Variants in ITGA2 observed in about 807,000 individuals in gnomAD.
ITGA2 encodes integrin alpha-2.
A neutral mutation model predicts 146.3 loss-of-function variants in ITGA2; 101 were observed. The ratio of observed to expected loss-of-function variants is 0.69; its 90% CI spans 0.59 to 0.81. ITGA2 has a LOEUF of 0.81. Among genes scored for constraint, ITGA2 ranks in the 40% least tolerant of loss-of-function variants. The pLI, the probability that ITGA2 is intolerant of heterozygous loss-of-function variation, is 0.00. For missense variants in ITGA2, 1,281 were observed against 1,402.7 expected, an observed-to-expected ratio of 0.91 and a Z score of 1.39; for synonymous variants, 477 against 487.1, an observed-to-expected ratio of 0.98 and a Z score of 0.27.
At chr5:52,990,388 GC>G in intron 1 of ITGA2, 1 of 152,414 alleles carries the variant, frequency 6.6e-6, no homozygotes, top group East Asian at 1.9e-4. Flanking sequence ...GGGGTGGAGA[GC>G]TTTTGTGGGA....
chr5:53,021,738 T>C (rs1414763878), intron 1 of ITGA2, among the ~76,000 whole-genome samples: 1 of 152,218 alleles, frequency 6.6e-6, no homozygotes, highest in Non-Finnish European at 1.5e-5. Context: ...ACAGTTCTTA[T>C]GTTTTTGTTC....
rs931536643 is a variant in ITGA2, at chr5:53,090,887, A to G, written c.*288A>G. 5.1e-6 allele frequency: 3 copies of G among 587,188 alleles called. No homozygotes were observed. Among genetic ancestry groups the G allele is most frequent in the Admixed American group, 3.0e-5 (1 of 33,180 alleles). The allele number at this position is 587,188 out of a possible 1,614,324, so 36.4% of individuals were successfully genotyped here. On this transcript the variant is annotated 3_prime_UTR_variant, in exon 30 of 30. Transcript: ENST00000296585. ...GCCCAGAGTTTACATTCTAATTTGC[A>G]TTGTGTCAGAAACATGAAATGCTTC...
In ITGA2 at chr5:53,072,016, G is replaced by C. The variant is rs1264294006; in HGVS notation, c.2314G>C (p.Glu772Gln). The change falls in exon 18 of 30, where the codon GAA becomes CAA. Residue 772 changes from glutamate to glutamine, a missense_variant. Glu to Gln is a conservative substitution (Grantham distance 29). Transcript: ENST00000296585. ...LENPGTSPAL[E>Q]AYSETAKVFS... ...AAACCCTGGCACTAGCCCTGCCCTT[G>C]AAGCCTATTCTGAGACTGCCAAGGT... 1 of 1,612,076 alleles carries C rather than the reference G, an allele frequency of 6.2e-7. No homozygotes were observed. The highest frequency in any genetic ancestry group is 1.3e-5 in the African/African-American group (1 of 74,794).
chr5:53,021,152 C>G (rs914033482), intron 1 of ITGA2, among the ~76,000 whole-genome samples: 1 of 151,888 alleles, frequency 6.6e-6, no homozygotes, highest in East Asian at 1.9e-4. Flanking sequence ...GCACTGTCAT[C>G]TTCTTCACAA....
intron 1 of ITGA2, among the ~76,000 whole-genome samples, chr5:52,990,735 T>A (rs1294093840): frequency 1.3e-5 from 2 of 152,104 alleles, no homozygotes; most frequent in African/African-American, 2.4e-5. Context: ...ATAGCACCAC[T>A]GTCCCCAGCC....
chr5:53,070,604 A>C (rs953211669), intron 17 of ITGA2, among the ~76,000 whole-genome samples: 2 of 151,900 alleles, frequency 1.3e-5, no homozygotes, highest in Non-Finnish European at 2.9e-5. Flanking sequence ...TCAGGGAAAA[A>C]TTTTATTTAT....
chr5:53,029,484 G>A (rs3212428), intron 2 of ITGA2, among the ~76,000 whole-genome samples: 5,565 of 152,214 alleles, frequency 0.037, 143 homozygotes, highest in East Asian at 0.073. Context: ...CTGCCTGGAA[G>A]AGTCTTCCCT....
intron 12 of ITGA2, 123 bp downstream of exon 12, chr5:53,061,169 C>T (rs1744890826): frequency 1.5e-5 from 14 of 910,498 alleles, no homozygotes; most frequent in Non-Finnish European, 2.5e-5. Context: ...GCTCTGTAAT[C>T]TGAGTTTACT....
At chr5:53,082,286 T>C (rs1745959177) in intron 26 of ITGA2, among the ~76,000 whole-genome samples, 1 of 152,214 alleles carries the variant, frequency 6.6e-6, no homozygotes, top group Non-Finnish European at 1.5e-5. Context: ...CAATAACTCC[T>C]AAACAAACCT....
chr5:53,003,787 G>T (rs1437183544), intron 1 of ITGA2, among the ~76,000 whole-genome samples: 1 of 152,006 alleles, frequency 6.6e-6, no homozygotes, highest in South Asian at 2.1e-4. Flanking sequence ...AAACTTAATG[G>T]TCCTCGACCA....
At chr5:53,025,364 T>C (rs1255690284) in intron 1 of ITGA2, among the ~76,000 whole-genome samples, 1 of 152,224 alleles carries the variant, frequency 6.6e-6, no homozygotes, top group African/African-American at 2.4e-5. Flanking sequence ...TTTGCAGATG[T>C]TAAGCTTTGC....
At chr5:52,996,583 C>T (rs1197133194) in intron 1 of ITGA2, among the ~76,000 whole-genome samples, 1 of 152,150 alleles carries the variant, frequency 6.6e-6, no homozygotes, top group Admixed American at 6.5e-5. Flanking sequence ...GAAAAAGGTA[C>T]CTCCCATCCT....
intron 2 of ITGA2, among the ~76,000 whole-genome samples, chr5:53,037,270 A>C (rs963752623): frequency 2.6e-5 from 4 of 152,266 alleles, no homozygotes; most frequent in Admixed American, 6.5e-5. Flanking sequence ...TCTTGGAAGA[A>C]TTCCCAGTTT....
intron 28 of ITGA2, chr5:53,088,967 G>C (rs1740277189): frequency 1.3e-5 from 2 of 152,176 alleles, no homozygotes; most frequent in Admixed American, 1.3e-4. Context: ...GGGTTAGAAA[G>C]CTGTGGAAAA....
chr5:53,057,757 T>C (rs1015275295), intron 9 of ITGA2, among the ~76,000 whole-genome samples: 1 of 152,014 alleles, frequency 6.6e-6, no homozygotes, highest in Admixed American at 6.6e-5. Flanking sequence ...ATACATATTC[T>C]GCTAAATACA....
chr5:53,001,007 T>C (rs2111694073), intron 1 of ITGA2, among the ~76,000 whole-genome samples: 1 of 149,568 alleles, frequency 6.7e-6, no homozygotes, highest in East Asian at 2.0e-4. Flanking sequence ...GTTCAAGCGA[T>C]TCTCCTGCCT....
At chr5:53,086,581 T>A (rs1298372302) in intron 27 of ITGA2, among the ~76,000 whole-genome samples, 1 of 152,218 alleles carries the variant, frequency 6.6e-6, no homozygotes, top group African/African-American at 2.4e-5. Context: ...ACTTATTTTT[T>A]AAAAAATCTG....
chr5:53,011,175 G>A (rs1439600391), intron 1 of ITGA2, among the ~76,000 whole-genome samples: 18 of 152,154 alleles, frequency 1.2e-4, no homozygotes, highest in Admixed American at 1.2e-3. Flanking sequence ...TGTTACAGCA[G>A]CCAGAGAAAA....
At chr5:52,990,681 C>T (rs901662735) in intron 1 of ITGA2, among the ~76,000 whole-genome samples, 1 of 151,568 alleles carries the variant, frequency 6.6e-6, no homozygotes, top group African/African-American at 2.4e-5. Flanking sequence ...TCCTAGTCCA[C>T]GTCAACCTGG....
Sources: allele counts gnomAD v4.1 joint callset (sites outside exome capture counted in the v4.1 genomes callset), GRCh38; gene constraint gnomAD v4.1.1; transcripts MANE v1.5; gene names NCBI Gene and HGNC (gene_info 2026-07-23, HGNC 2026-07-21).